MICU3: variants seen among roughly 807,000 people sequenced by gnomAD.
MICU3 encodes mitochondrial calcium uptake 3, also known as calcium uptake protein 3, mitochondrial.
A neutral mutation model predicts 66.5 loss-of-function variants in MICU3; 62 were observed. The observed-to-expected ratio is 0.93, with a 90% CI of 0.76 to 1.15. The LOEUF is 1.15. MICU3 is among the 50% of genes most tolerant of loss of function. The probability of loss-of-function intolerance (pLI) is 0.00; values close to 1 mark genes in which losing one functional copy is unlikely to be tolerated. For synonymous variants in MICU3, 308 were observed against 240.7 expected, an observed-to-expected ratio of 1.28 and a Z score of -2.59; for missense variants, 779 against 664.4, an observed-to-expected ratio of 1.17 and a Z score of -1.90.
intron 8 of MICU3, among the ~76,000 whole-genome samples, chr8:17,095,465 T>C (rs1173132514): frequency 4.6e-5 from 7 of 151,948 alleles, no homozygotes; most frequent in African/African-American, 1.7e-4. Context: ...TATAAAGATA[T>C]AGTTTTAATA....
intron 1 of MICU3, among the ~76,000 whole-genome samples, chr8:17,032,422 T>G (rs1187531266): frequency 6.6e-6 from 1 of 152,208 alleles, no homozygotes; most frequent in Admixed American, 6.5e-5. Context: ...TTAACATACT[T>G]CAGTGTTTTA....
In MICU3 at chr8:17,027,530, A is replaced by G; in HGVS notation, c.251A>G (p.Gln84Arg). 7.8e-7 allele frequency: 1 copy of G among 1,278,636 alleles called. No homozygotes were observed. The allele number at this position is 1,278,636 out of a possible 1,614,324, so 79.2% of individuals were successfully genotyped here. Residue 84 changes from glutamine to arginine, a missense_variant, in exon 1 of 15, where the codon CAG becomes CGG. Transcript: ENST00000318063. ...GGGCTGGTCGGCCTGGTATGCTACC[A>G]GCTGTACGGGGACCCCAGGGCCGGC... ...GGGLVGLVCY[Q>R]LYGDPRAGSP...
chr8:17,041,310 A>C (rs896351751), intron 1 of MICU3, among the ~76,000 whole-genome samples: 1 of 152,178 alleles, frequency 6.6e-6, no homozygotes, highest in South Asian at 2.1e-4. Context: ...GAAGTCAAAA[A>C]AAGGTAATAC....
rs1219091019 is a variant in MICU3 at position 17,069,670 on chromosome 8, T to C, written c.536-18T>C. ...TGAAGTATTTATTATCTAATTATCT[T>C]ACATTTGTTTATTTTAGTTGCCAAA... On this transcript the variant is annotated intron_variant, in intron 2 of 14. Coordinates refer to ENST00000318063, the MANE Select transcript of MICU3 (RefSeq NM_181723.3). 3 of 1,476,826 alleles carry C rather than the reference T, an allele frequency of 2.0e-6. No individual in the cohort carries two copies. The highest frequency in any genetic ancestry group is 1.9e-5 in the Admixed American group (1 of 51,580). The allele number at this position is 1,476,826 out of a possible 1,614,324, so 91.5% of individuals were successfully genotyped here. A position where few individuals can be genotyped will look rare whatever the true frequency, so the allele number is the denominator to read the frequency against.
At chr8:17,137,297 T>G in the MICU3 span, among the ~76,000 whole-genome samples, 1 of 151,988 alleles carries the variant, frequency 6.6e-6, no homozygotes, top group Non-Finnish European at 1.5e-5. Context: ...CTATTTGCAT[T>G]TAAAACTGGC....
chr8:17,085,528 C>T (rs1585412112), intron 6 of MICU3, among the ~76,000 whole-genome samples: 1 of 151,924 alleles, frequency 6.6e-6, no homozygotes, highest in Admixed American at 6.6e-5. Flanking sequence ...TGATGATTAT[C>T]GTTGTTTTTT....
At chr8:17,112,277 G>C (rs944322255) in intron 11 of MICU3, among the ~76,000 whole-genome samples, 2 of 152,116 alleles carry the variant, frequency 1.3e-5, no homozygotes, top group Admixed American at 1.3e-4. Flanking sequence ...GATGTTTTCA[G>C]CTTTTCAGTT....
intron 9 of MICU3, among the ~76,000 whole-genome samples, chr8:17,099,517 G>C (rs1801074567): frequency 6.6e-6 from 1 of 151,694 alleles, no homozygotes; most frequent in Admixed American, 6.6e-5. Flanking sequence ...TGTCGCCCTT[G>C]CTCAGTTTTA....
At chr8:17,083,486 T>C (rs753839624) in intron 5 of MICU3, among the ~76,000 whole-genome samples, 1 of 152,076 alleles carries the variant, frequency 6.6e-6, no homozygotes, top group Non-Finnish European at 1.5e-5. Flanking sequence ...TTTTAAACTA[T>C]AAACTAAGTT....
chr8:17,066,542 GATT>G (rs1818732593), intron 2 of MICU3, among the ~76,000 whole-genome samples: 2 of 82,284 alleles, frequency 2.4e-5, no homozygotes, highest in South Asian at 7.7e-4. Context: ...TATATATATA[GATT>G]TTTTTTTTTT....
intron 2 of MICU3, among the ~76,000 whole-genome samples, chr8:17,066,128 T>C (rs1479375976): frequency 6.6e-6 from 1 of 152,096 alleles, no homozygotes; most frequent in Non-Finnish European, 1.5e-5. Flanking sequence ...TCCTTTTTAT[T>C]TAATCCATTT....
chr8:17,029,352 T>G lies in MICU3; in HGVS notation c.381+1692T>G, dbSNP rs571493162. Among the ~76,000 whole-genome samples the G allele has an allele frequency of 5.3e-5, 8 of 152,194 alleles. No individual in the cohort carries two copies. The East Asian group carries it at 1.5e-3, about 29-fold the overall frequency. ...TCAGCCGGGTGTGGTGTTGGGCGCT[T>G]GTAATCCCAGCTACTGGCAAGGCTG... On this transcript the variant is annotated intron_variant, in intron 1 of 14. Coordinates refer to ENST00000318063, the MANE Select transcript of MICU3 (RefSeq NM_181723.3).
intron 9 of MICU3, among the ~76,000 whole-genome samples, chr8:17,100,436 A>G (rs183934458): frequency 2.0e-5 from 3 of 151,926 alleles, no homozygotes; most frequent in African/African-American, 2.4e-5. Context: ...ACCCTCCCAC[A>G]TTAGAATAAT....
intron 11 of MICU3, among the ~76,000 whole-genome samples, chr8:17,113,120 A>T (rs1035900601): frequency 6.6e-6 from 1 of 152,202 alleles, no homozygotes; most frequent in African/African-American, 2.4e-5. Flanking sequence ...TGTTTGGGTA[A>T]TAAATCATTT....
chr8:17,027,690 GCGGGGGATGTGA>G (rs1811246784), intron 1 of MICU3, 30 bp downstream of exon 1: 1 of 1,267,660 alleles, frequency 7.9e-7, no homozygotes, highest in African/African-American at 1.5e-5. Context: ...TCACACCTGC[GCGGGGGATGTGA>G]CCTTCGTGCC....
At chr8:17,079,333 G>C (rs1042256645) in intron 4 of MICU3, among the ~76,000 whole-genome samples, 17 of 152,116 alleles carry the variant, frequency 1.1e-4, no homozygotes, top group African/African-American at 4.1e-4. Context: ...AATTTAAATA[G>C]CTACACCCTG....
intron 11 of MICU3, among the ~76,000 whole-genome samples, chr8:17,107,633 A>T (rs796360964): frequency 9.2e-5 from 14 of 152,292 alleles, no homozygotes; most frequent in African/African-American, 2.6e-4. Context: ...AGCCATTCTC[A>T]TTCATTTAAT....
Position 17,027,631 on chromosome 8 carries a change from C to T in MICU3, c.352C>T (p.Pro118Ser), listed in dbSNP as rs892424669. 11 of 1,307,848 alleles carry T rather than the reference C, an allele frequency of 8.4e-6. No homozygotes were observed. Among genetic ancestry groups the T allele is most frequent in the African/African-American group, 1.5e-5 (1 of 64,950 alleles). 81.0% of individuals were successfully genotyped at this position (1,307,848 alleles called of 1,614,324 possible). ...EDPPRGRGML[P>S]IPVAAAKETV... ...CCCGCCCCGCGGCCGGGGGATGCTG[C>T]CCATCCCAGTGGCGGCTGCCAAGGA... Residue 118 changes from proline (P) to serine (S), a missense_variant, in exon 1 of 15, where the codon CCC becomes TCC. Coordinates refer to ENST00000318063, the MANE Select transcript of MICU3 (RefSeq NM_181723.3).
intron 6 of MICU3, among the ~76,000 whole-genome samples, chr8:17,086,058 C>G (rs113805715): frequency 1.3e-4 from 20 of 152,122 alleles, no homozygotes; most frequent in African/African-American, 4.8e-4. Flanking sequence ...TACACTCTGT[C>G]TTTACCTACA....
Sources: allele counts gnomAD v4.1 joint callset (sites outside exome capture counted in the v4.1 genomes callset), GRCh38; gene constraint gnomAD v4.1.1; transcripts MANE v1.5; gene names NCBI Gene and HGNC (gene_info 2026-07-23, HGNC 2026-07-21).